FBXO27: variants seen among roughly 807,000 people sequenced by gnomAD.
FBXO27 encodes F-box protein 27.
FBXO27 carries 28 observed loss-of-function variants against 28.3 expected under a neutral mutation model. The observed-to-expected ratio is 0.99, with a 90% CI of 0.73 to 1.36. The LOEUF (loss-of-function observed/expected upper bound fraction) is 1.36. FBXO27 is among the 40% of genes most tolerant of loss of function. The pLI, the probability that FBXO27 is intolerant of heterozygous loss-of-function variation, is 0.00. For missense variants in FBXO27, 388 were observed against 394.1 expected (o/e 0.98, Z 0.13); for synonymous variants, 175 against 167.3 (o/e 1.05, Z -0.36).
chr19:39,023,808 T>A (rs1239318371), downstream of FBXO27, among the ~76,000 whole-genome samples: 1 of 152,052 alleles, frequency 6.6e-6, no homozygotes, highest in Non-Finnish European at 1.5e-5. Flanking sequence ...AGAGACAGGG[T>A]TTCACCATGT....
rs151102214 is a variant in FBXO27, at chr19:39,025,531, G to C, written c.732C>G (p.Ile244Met). 1 of 1,613,906 alleles carries C rather than the reference G, an allele frequency of 6.2e-7. No individual in the cohort carries two copies. Among genetic ancestry groups the C allele is most frequent in the Non-Finnish European group, 8.5e-7 (1 of 1,179,974 alleles). ...CLHVTHVFSNIKMGVRFVSFE... is the reference protein window; with the variant it reads ...CLHVTHVFSNMKMGVRFVSFE... ...AAGACACAAAGCGGACGCCCATCTTGATGTTGGAGAACACGTGGGTGACCT... is the reference window on the plus strand; with the variant it reads ...AAGACACAAAGCGGACGCCCATCTTCATGTTGGAGAACACGTGGGTGACCT... The change falls in exon 6 of 6, where the codon ATC becomes ATG. Residue 244 changes from isoleucine to methionine, a missense_variant. By Grantham distance (10) the Ile-to-Met change is conservative (BLOSUM62 1). Transcript: ENST00000292853.
At position 39,026,898 on chromosome 19, in the gene FBXO27, G is replaced by T; in HGVS notation, c.680C>A (p.Pro227Gln). ...AAGGCAGGCATTGTTGTTCCACTGC[G>T]GGATGGGATCAGGCACAGCAGAGAA... ...DKFSAVPDPIPQWNNNACLHV... is the reference protein window; with the variant it reads ...DKFSAVPDPIQQWNNNACLHV... Residue 227 changes from proline to glutamine, a missense_variant, in exon 5 of 6, where the codon CCG (proline) becomes CAG (glutamine). Coordinates refer to ENST00000292853, the MANE Select transcript of FBXO27 (RefSeq NM_178820.5). The T allele has an allele frequency of 2.5e-6, 4 of 1,614,174 alleles. No individual in the cohort carries two copies. Among genetic ancestry groups the T allele is most frequent in the Non-Finnish European group, 3.4e-6 (4 of 1,180,036 alleles).
chr19:39,027,970 G>C (rs1216273203), intron 4 of FBXO27, among the ~76,000 whole-genome samples: 1 of 152,076 alleles, frequency 6.6e-6, no homozygotes, highest in African/African-American at 2.4e-5. Flanking sequence ...TCTGGGCGAG[G>C]TGGCTCACGC....
intron 2 of FBXO27, among the ~76,000 whole-genome samples, chr19:39,013,678 G>A (rs773457656): frequency 1.7e-4 from 26 of 151,326 alleles, no homozygotes; most frequent in Non-Finnish European, 2.7e-4. Context: ...GAAATATAGA[G>A]CCAAGAAGCC....
Position 39,016,267 on chromosome 19 carries a change from A to C in FBXO27, c.92-1720T>G, listed in dbSNP as rs186352845. ...ACGACACCAAGTGTGACCCTAATACAAACTATGGAGTTTGGGTGATAAGGA... is the reference window on the plus strand; with the variant it reads ...ACGACACCAAGTGTGACCCTAATACCAACTATGGAGTTTGGGTGATAAGGA... On this transcript the variant is annotated intron_variant, in intron 1 of 2. Transcript: ENST00000598394. Among the ~76,000 whole-genome samples, 497 of 152,186 alleles carry C rather than the reference A, an allele frequency of 3.3e-3. 2 individuals carry two copies. Among genetic ancestry groups the C allele is most frequent in the African/African-American group, 0.012 (481 of 41,524 alleles).
At chr19:39,027,862 T>G (rs1285557878) in intron 4 of FBXO27, among the ~76,000 whole-genome samples, 1 of 152,156 alleles carries the variant, frequency 6.6e-6, no homozygotes, top group Non-Finnish European at 1.5e-5. Context: ...CATATTTGTG[T>G]TGTTGTGACA....
chr19:39,029,071 T>G (rs937492757), intron 4 of FBXO27, among the ~76,000 whole-genome samples: 1 of 150,494 alleles, frequency 6.6e-6, no homozygotes, highest in South Asian at 2.1e-4. Flanking sequence ...AAAAATCTTA[T>G]TGGAGATGTA....
At chr19:39,011,905 T>C (rs1366124134) in intron 2 of FBXO27, among the ~76,000 whole-genome samples, 1 of 149,684 alleles carries the variant, frequency 6.7e-6, no homozygotes, top group African/African-American at 2.5e-5. Context: ...CTCGGCTCTC[T>C]GCAAGCTCCA....
At chr19:39,021,959 C>T (rs2072847197), downstream of FBXO27, among the ~76,000 whole-genome samples, 1 of 151,752 alleles carries the variant, frequency 6.6e-6, no homozygotes, top group Admixed American at 6.6e-5. Flanking sequence ...CCACATCCGG[C>T]TATCCTCAGA....
In FBXO27 at chr19:39,025,135, T is replaced by C; in HGVS notation, c.*276A>G. On this transcript the variant is annotated 3_prime_UTR_variant, in exon 6 of 6. Coordinates refer to ENST00000292853, the MANE Select transcript of FBXO27 (RefSeq NM_178820.5). The stretch of plus-strand genomic sequence containing the variant: ...GGAGGGCAAGAATTCTTCTCCAGGA[T>C]GGGCATTCCCCCATGCTCACTTGTG... 1 of 370,358 alleles carries C rather than the reference T, an allele frequency of 2.7e-6. No homozygotes were observed. Among genetic ancestry groups the C allele is most frequent in the South Asian group, 6.8e-5 (1 of 14,710 alleles). 22.9% of individuals were successfully genotyped at this position (370,358 alleles called of 1,614,324 possible). A position where few individuals can be genotyped will look rare whatever the true frequency, so the allele number is the denominator to read the frequency against.
downstream of FBXO27, among the ~76,000 whole-genome samples, chr19:39,019,597 T>C (rs566799077): frequency 4.6e-5 from 7 of 152,138 alleles, no homozygotes; most frequent in East Asian, 1.3e-3. Flanking sequence ...GATGGTTTGA[T>C]AATTTTAAAG....
At chr19:39,028,668 G>C (rs2072886058) in intron 4 of FBXO27, among the ~76,000 whole-genome samples, 1 of 152,112 alleles carries the variant, frequency 6.6e-6, no homozygotes. Context: ...TTCGAGGCCA[G>C]CCTGGCCAAC....
In FBXO27 at chr19:39,025,094, GGGA is replaced by G. The variant is rs2072865057; in HGVS notation, c.*314_*316del. ...GGGGCTGGATCGGAGGGTTTTGGTT[GGGA>G]GGAGAAGAGAGGGGAGGGCAAGAAT... On this transcript the variant is annotated 3_prime_UTR_variant, in exon 6 of 6. Transcript: ENST00000292853. The G allele has an allele frequency of 3.5e-6, 1 of 287,156 alleles. No homozygotes were observed. The highest frequency in any genetic ancestry group is 7.2e-5 in the South Asian group (1 of 13,866). The allele number at this position is 287,156 out of a possible 1,614,324, so 17.8% of individuals were successfully genotyped here.
chr19:39,013,280 T>C (rs1466802415), intron 2 of FBXO27, among the ~76,000 whole-genome samples: 3 of 152,146 alleles, frequency 2.0e-5, no homozygotes, highest in African/African-American at 7.2e-5. Context: ...GGGGTCACAG[T>C]CCCTGAGAGG....
At position 39,032,137 on chromosome 19, in the gene FBXO27, G is replaced by T. The variant is rs776796424; in HGVS notation, c.91C>A (p.Pro31Thr). The T allele has an allele frequency of 6.5e-6, 10 of 1,543,302 alleles. No individual in the cohort carries two copies. The African/African-American group carries it at 1.3e-4, about 20-fold the overall frequency. The change falls in exon 2 of 6, where the codon CCA becomes ACA. Residue 31 changes from proline (P) to threonine (T), a missense_variant. By Grantham distance (38) the Pro-to-Thr change is conservative. Transcript: ENST00000292853. This position sits in a 1 kb window ranked among gnomAD's most constrained non-coding sequence, Gnocchi z 4.7. ...EEALDLSQLP[P>T]ELLLVVLSHV... ...CTCAGCACCACCAGAAGCAGCTCTG[G>T]GGGTAGTTGGCTCAGGTCCAGCGCC...
At chr19:39,013,984 G>A (rs533496416) in intron 2 of FBXO27, among the ~76,000 whole-genome samples, 4 of 152,276 alleles carry the variant, frequency 2.6e-5, no homozygotes, top group Admixed American at 2.0e-4. Flanking sequence ...CTGCACTCCA[G>A]CCTGGGGGAG....
rs750436603 is a variant in FBXO27 at position 39,026,979 on chromosome 19, C to T, written c.599G>A (p.Cys200Tyr). Reference sequence around the variant, plus strand: ...AAGTTGGACGAGGAGTCTGTACATACAGCCGCTGTCGTGTCGGGCTCCCCA... The same window carrying T: ...AAGTTGGACGAGGAGTCTGTACATATAGCCGCTGTCGTGTCGGGCTCCCCA... ...DWWGARHDSGCMYRLLVQLLD... is the reference protein window; with the variant it reads ...DWWGARHDSGYMYRLLVQLLD... Residue 200 changes from cysteine (C) to tyrosine (Y), a missense_variant, in exon 5 of 6, where the codon TGT (cysteine) becomes TAT (tyrosine). Cys to Tyr is a radical substitution (Grantham distance 194). Coordinates refer to ENST00000292853, the MANE Select transcript of FBXO27 (RefSeq NM_178820.5). 11 of 1,614,208 alleles carry T rather than the reference C, an allele frequency of 6.8e-6. No homozygotes were observed. The highest frequency in any genetic ancestry group is 1.7e-5 in the Admixed American group (1 of 60,006).
chr19:39,027,321 T>C (rs12972978), intron 4 of FBXO27, among the ~76,000 whole-genome samples: 72,995 of 151,994 alleles, frequency 0.48, 17,701 homozygotes, highest in Middle Eastern at 0.58. Context: ...GGAACGTCAG[T>C]TGACCTGGAG....
intron 4 of FBXO27, among the ~76,000 whole-genome samples, chr19:39,028,879 A>AAAAATTAGCCAGGCATGT (rs2072887215): frequency 6.6e-6 from 1 of 151,876 alleles, no homozygotes; most frequent in African/African-American, 2.4e-5. Context: ...CAAAAAATTC[A>AAAAATTAGCCAGGCATGT]AAAATTAGCC....
Sources: gnomAD v4.1 joint callset for allele counts (sites outside exome capture counted in the v4.1 genomes callset) on GRCh38, gnomAD v4.1.1 for gene constraint, Gnocchi (gnomAD v3.1) non-coding constraint, MANE v1.5 for transcripts, NCBI Gene and HGNC (gene_info 2026-07-23, HGNC 2026-07-21) for gene names.